The following NRG3 variants were observed in gnomAD, a reference collection of about 807,000 sequenced individuals.
NRG3 encodes the protein pro-neuregulin-3, membrane-bound isoform.
A neutral mutation model predicts 66.9 loss-of-function variants in NRG3; 31 were observed. That is an observed-to-expected ratio of 0.46 (90% CI 0.35 to 0.63). NRG3 has a LOEUF of 0.63. Among genes scored for constraint, NRG3 ranks in the 20% least tolerant of loss-of-function variants. NRG3 has a pLI of 0.00. For missense variants in NRG3, 910 were observed against 878.9 expected, an observed-to-expected ratio of 1.04 and a Z score of -0.45; for synonymous variants, 393 against 359.4, an observed-to-expected ratio of 1.09 and a Z score of -1.06.
intron 1 of NRG3, among the ~76,000 whole-genome samples, chr10:81,934,508 G>A (rs959500115): frequency 1.3e-5 from 2 of 152,034 alleles, no homozygotes; most frequent in Admixed American, 6.5e-5. Context: ...CCTTCTCCTT[G>A]AGCTCATTTT....
At chr10:81,970,486 G>C (rs2059894961) in intron 1 of NRG3, among the ~76,000 whole-genome samples, 1 of 152,200 alleles carries the variant, frequency 6.6e-6, no homozygotes, top group Non-Finnish European at 1.5e-5. Context: ...CAAAAAGGTA[G>C]TTTGCAGTGT....
rs569470719 is a variant in NRG3, at chr10:81,909,399, T to C, written c.823+33236T>C. Among the ~76,000 whole-genome samples the C allele has an allele frequency of 2.6e-5, 4 of 152,194 alleles. No individual in the cohort carries two copies. In the South Asian group the frequency reaches 8.3e-4, roughly 32 times the overall value. On this transcript the variant is annotated intron_variant, in intron 1 of 8. Transcript: ENST00000372141. Reference sequence around the variant, plus strand: ...GGGGGATGTTGTTCAACCCAGAACATGAGTGGTGGTAATGGAGATGGGATG... The same window carrying C: ...GGGGGATGTTGTTCAACCCAGAACACGAGTGGTGGTAATGGAGATGGGATG...
chr10:82,541,083 T>G (rs1246845914), intron 2 of NRG3, among the ~76,000 whole-genome samples: 1 of 152,178 alleles, frequency 6.6e-6, no homozygotes, highest in Admixed American at 6.5e-5. Context: ...TGCTGTCACC[T>G]TGATCTCAGA....
At chr10:82,850,282 G>A (rs1298658439) in intron 3 of NRG3, among the ~76,000 whole-genome samples, 2 of 152,156 alleles carry the variant, frequency 1.3e-5, no homozygotes, top group African/African-American at 4.8e-5. Context: ...CATCCAGAGC[G>A]ATGAGGTTAT....
At chr10:81,939,572 T>C (rs1156459939) in intron 1 of NRG3, among the ~76,000 whole-genome samples, 3 of 152,034 alleles carry the variant, frequency 2.0e-5, no homozygotes, top group Non-Finnish European at 4.4e-5. Context: ...GTTATAGCAA[T>C]ATCTTATTCA....
intron 1 of NRG3, among the ~76,000 whole-genome samples, chr10:82,215,963 C>CTTTTTTTTTTTTT (rs71894841): frequency 1.1e-5 from 1 of 89,712 alleles, no homozygotes; most frequent in Non-Finnish European, 2.1e-5. Context: ...TTATGTTTTC[C>CTTTTTTTTTTTTT]TTTTTTTTTT....
chr10:82,779,519 G>A (rs2060036014), intron 3 of NRG3, among the ~76,000 whole-genome samples: 1 of 152,142 alleles, frequency 6.6e-6, no homozygotes, highest in Non-Finnish European at 1.5e-5. Context: ...AGGGATGAGA[G>A]TTAGGCACCT....
chr10:82,632,469 ATACT>A (rs1250254852), intron 2 of NRG3, among the ~76,000 whole-genome samples: 5 of 152,170 alleles, frequency 3.3e-5, no homozygotes, highest in South Asian at 4.2e-4. Context: ...GCTACTGCAA[ATACT>A]TACTCATGTT....
At chr10:82,795,688 G>A (rs2065537) in intron 3 of NRG3, among the ~76,000 whole-genome samples, 78,609 of 152,004 alleles carry the variant, frequency 0.52, 21,972 homozygotes, top group African/African-American at 0.75. Flanking sequence ...AATCTAGTAA[G>A]CATCATATTA....
At chr10:82,422,951 A>G (rs1363872958) in intron 2 of NRG3, among the ~76,000 whole-genome samples, 1 of 151,992 alleles carries the variant, frequency 6.6e-6, no homozygotes, top group Non-Finnish European at 1.5e-5. Flanking sequence ...GAAATGTAAT[A>G]CCTAAATACA....
chr10:82,424,266 C>CA (rs2089274053), intron 2 of NRG3, among the ~76,000 whole-genome samples: 1 of 151,968 alleles, frequency 6.6e-6, no homozygotes. Flanking sequence ...ATCCCACCAG[C>CA]AAAAATGTGA....
Position 82,959,091 on chromosome 10 carries a change from A to T in NRG3, c.1284+16A>T. 1 of 1,581,776 alleles carries T rather than the reference A, an allele frequency of 6.3e-7. No individual in the cohort carries two copies. The highest frequency in any genetic ancestry group is 8.6e-7 in the Non-Finnish European group (1 of 1,168,518). On this transcript the variant is annotated intron_variant, in intron 6 of 8. Transcript: ENST00000372141. ...GCTGCAAAATGTAAGTGACATGTCT[A>T]CACACCTCCTCCTATAGCCTACCTC...
chr10:82,609,583 A>G (rs1242631687), intron 2 of NRG3, among the ~76,000 whole-genome samples: 3 of 150,416 alleles, frequency 2.0e-5, no homozygotes, highest in Non-Finnish European at 4.4e-5. Flanking sequence ...AACAGATTAT[A>G]TTTTCCAAAA....
chr10:82,196,526 C>T (rs1394959622), intron 1 of NRG3, among the ~76,000 whole-genome samples: 1 of 152,124 alleles, frequency 6.6e-6, no homozygotes, highest in Non-Finnish European at 1.5e-5. Context: ...CTGAAGACTC[C>T]ATTTGCTCAT....
At chr10:82,969,990 G>A (rs555650159) in intron 6 of NRG3, among the ~76,000 whole-genome samples, 5 of 151,916 alleles carry the variant, frequency 3.3e-5, no homozygotes, top group South Asian at 2.1e-4. Flanking sequence ...ACGCTTTTGC[G>A]CCTTTTATTC....
chr10:81,897,488 A>C (rs947742599), intron 1 of NRG3, among the ~76,000 whole-genome samples: 1 of 151,904 alleles, frequency 6.6e-6, no homozygotes, highest in African/African-American at 2.4e-5. Flanking sequence ...CTTAGATTGA[A>C]GGAAAAACAG....
At chr10:82,585,184 T>C (rs2046600521) in intron 2 of NRG3, among the ~76,000 whole-genome samples, 1 of 152,160 alleles carries the variant, frequency 6.6e-6, no homozygotes, top group South Asian at 2.1e-4. Context: ...TTTTTTAATC[T>C]TAATTACTTT....
chr10:82,861,180 AAGTG>A (rs2064106542), intron 3 of NRG3, among the ~76,000 whole-genome samples: 1 of 151,922 alleles, frequency 6.6e-6, no homozygotes, highest in Non-Finnish European at 1.5e-5. Flanking sequence ...ATGACAAAGA[AAGTG>A]AGAGAGAGAG....
intron 1 of NRG3, among the ~76,000 whole-genome samples, chr10:82,250,991 CAG>C (rs2077459979): frequency 2.0e-5 from 3 of 152,218 alleles, no homozygotes. Context: ...TTAATAACAA[CAG>C]AAAGTGAATT....
Sources: allele counts gnomAD v4.1 joint callset (sites outside exome capture counted in the v4.1 genomes callset), GRCh38; gene constraint gnomAD v4.1.1; transcripts MANE v1.5; gene names NCBI Gene and HGNC (gene_info 2026-07-23, HGNC 2026-07-21).